The following CLVS1 variants were observed in gnomAD, a reference collection of about 807,000 sequenced individuals.
The protein encoded by CLVS1 is clavesin-1.
In CLVS1, 10 loss-of-function variants were observed where a neutral mutation model predicts 33.1. The observed-to-expected ratio is 0.30, with a 90% CI of 0.19 to 0.51. The LOEUF (loss-of-function observed/expected upper bound fraction) is 0.51, where lower values mean the gene tolerates loss of function less well. CLVS1 is among the 20% of genes least tolerant of loss of function. The pLI is 0.97. For missense variants in CLVS1, 343 were observed against 433.4 expected, an observed-to-expected ratio of 0.79 and a Z score of 1.85; for synonymous variants, 163 against 166.1, an observed-to-expected ratio of 0.98 and a Z score of 0.14.
chr8:61,113,834 G>T (rs992108718), intron 1 of CLVS1, among the ~76,000 whole-genome samples: 1 of 152,192 alleles, frequency 6.6e-6, no homozygotes, highest in Non-Finnish European at 1.5e-5. Flanking sequence ...GTGCCACTGT[G>T]TTGCCCAGGC....
At chr8:61,069,933 C>T (rs770116722) in intron 1 of CLVS1, among the ~76,000 whole-genome samples, 5 of 152,084 alleles carry the variant, frequency 3.3e-5, no homozygotes, top group Non-Finnish European at 4.4e-5. Flanking sequence ...CAAGTAGCTG[C>T]AGGCATGCAC....
chr8:61,343,430 G>A (rs192607943), intron 2 of CLVS1, among the ~76,000 whole-genome samples: 28 of 152,264 alleles, frequency 1.8e-4, no homozygotes, highest in Admixed American at 3.3e-4. Flanking sequence ...CCAGTGGGAC[G>A]TTGTTGCAAT....
chr8:61,348,097 A>G (rs1045941113), intron 2 of CLVS1, among the ~76,000 whole-genome samples: 5 of 151,956 alleles, frequency 3.3e-5, no homozygotes, highest in African/African-American at 9.7e-5. Flanking sequence ...GAATCCTTTA[A>G]CCAACATCTC....
chr8:61,099,581 T>C (rs1805411382), intron 1 of CLVS1, among the ~76,000 whole-genome samples: 1 of 151,976 alleles, frequency 6.6e-6, no homozygotes, highest in Non-Finnish European at 1.5e-5. Flanking sequence ...GTAGTCAGGG[T>C]GAATTTGCTT....
intron 1 of CLVS1, among the ~76,000 whole-genome samples, chr8:61,107,324 T>TA (rs1805555418): frequency 6.6e-6 from 1 of 152,178 alleles, no homozygotes; most frequent in Admixed American, 6.5e-5. Flanking sequence ...CAAAATACCT[T>TA]ACACTGGAAA....
chr8:61,235,948 C>T (rs1214577381), intron 2 of CLVS1, among the ~76,000 whole-genome samples: 1 of 152,168 alleles, frequency 6.6e-6, no homozygotes, highest in East Asian at 1.9e-4. Context: ...GATGACCTGA[C>T]ACTACTGGGC....
At chr8:61,103,537 T>C (rs1477405191) in intron 1 of CLVS1, among the ~76,000 whole-genome samples, 1 of 152,182 alleles carries the variant, frequency 6.6e-6, no homozygotes, top group Non-Finnish European at 1.5e-5. Flanking sequence ...TCAGAAAAAG[T>C]GCATATCAGA....
At chr8:61,202,822 C>T (rs1230022961) in intron 2 of CLVS1, 1 of 1,146,688 alleles carries the variant, frequency 8.7e-7, no homozygotes, top group Non-Finnish European at 1.3e-6. Flanking sequence ...AAAAGTAAAA[C>T]TTGCTGCTGA....
At chr8:61,185,245 G>A (rs1459075932) in intron 2 of CLVS1, among the ~76,000 whole-genome samples, 1 of 151,538 alleles carries the variant, frequency 6.6e-6, no homozygotes, top group Non-Finnish European at 1.5e-5. Flanking sequence ...GGGCTCAAGG[G>A]ATCCTCCTAC....
chr8:61,066,531 T>C (rs980717914), intron 1 of CLVS1, among the ~76,000 whole-genome samples: 2 of 152,236 alleles, frequency 1.3e-5, no homozygotes, highest in African/African-American at 2.4e-5. Context: ...TGTTCCTAGA[T>C]TGATGGCTAT....
At chr8:61,185,806 A>G (rs1807333936) in intron 2 of CLVS1, among the ~76,000 whole-genome samples, 1 of 152,144 alleles carries the variant, frequency 6.6e-6, no homozygotes, top group South Asian at 2.1e-4. Flanking sequence ...TCATTTGTAA[A>G]ATGACAATCA....
chr8:61,149,551 CA>C (rs1166606940), intron 2 of CLVS1, among the ~76,000 whole-genome samples: 1,925 of 51,954 alleles, frequency 0.037, 36 homozygotes, highest in African/African-American at 0.1. Flanking sequence ...GACTCTGTCT[CA>C]AAAAAAAAAA....
chr8:61,341,822 TG>T (rs1295319213), intron 2 of CLVS1, among the ~76,000 whole-genome samples: 1 of 152,220 alleles, frequency 6.6e-6, no homozygotes, highest in Non-Finnish European at 1.5e-5. Flanking sequence ...AAGGGAATTT[TG>T]CAAGGCTGAA....
the CLVS1 span, among the ~76,000 whole-genome samples, chr8:60,988,475 T>G: frequency 6.6e-6 from 1 of 152,118 alleles, no homozygotes; most frequent in Non-Finnish European, 1.5e-5. Context: ...ACCTTTGATA[T>G]TCCCTGCACA....
upstream of CLVS1, among the ~76,000 whole-genome samples, chr8:61,285,291 T>G (rs996974947): frequency 6.6e-6 from 1 of 152,202 alleles, no homozygotes; most frequent in African/African-American, 2.4e-5. Flanking sequence ...AATTTGATTT[T>G]ACACTTTTTA....
rs1035856816 is a variant in CLVS1, at chr8:61,179,073, C to T, written c.-152+47213C>T. On this transcript the variant is annotated intron_variant, in intron 2 of 2. Coordinates refer to the CLVS1 transcript ENST00000522621. ...TGGCAAATTGGATAAAGGGTCAAGA[C>T]CCATTGGTGTGCTGTGTTTTAGAAA... Among the ~76,000 whole-genome samples the T allele has an allele frequency of 6.1e-4, 93 of 152,130 alleles. 1 individual carries two copies. The highest frequency in any genetic ancestry group is 4.6e-4 in the Admixed American group (7 of 15,280).
At chr8:61,164,072 G>A (rs1192714474) in intron 2 of CLVS1, among the ~76,000 whole-genome samples, 2 of 152,182 alleles carry the variant, frequency 1.3e-5, no homozygotes, top group African/African-American at 2.4e-5. Flanking sequence ...GCTCTCAGGC[G>A]ATAGATGATT....
At chr8:61,391,932 C>A (rs904845647) in intron 3 of CLVS1, among the ~76,000 whole-genome samples, 2 of 152,106 alleles carry the variant, frequency 1.3e-5, no homozygotes, top group African/African-American at 2.4e-5. Context: ...TCCTGCAATT[C>A]TTTTCTCAGG....
At chr8:61,053,992 A>C (rs1005071558), upstream of CLVS1, among the ~76,000 whole-genome samples, 1 of 152,188 alleles carries the variant, frequency 6.6e-6, no homozygotes, top group African/African-American at 2.4e-5. Flanking sequence ...CTAGACAATA[A>C]ATTCTCTACT....
Sources: allele counts gnomAD v4.1 joint callset (sites outside exome capture counted in the v4.1 genomes callset), GRCh38; gene constraint gnomAD v4.1.1; transcripts MANE v1.5; gene names NCBI Gene and HGNC (gene_info 2026-07-23, HGNC 2026-07-21).